The following FUNDC2 variants were observed in gnomAD, a reference collection of about 807,000 sequenced individuals.
FUNDC2 encodes FUN14 domain containing 2, also known as FUN14 domain-containing protein 2.
Under a neutral mutation model 15.6 loss-of-function variants are expected in FUNDC2, and 4 were observed. The observed-to-expected ratio is 0.26, with a 90% confidence interval of 0.13 to 0.59. The LOEUF (loss-of-function observed/expected upper bound fraction) is 0.59, where lower values mean the gene tolerates loss of function less well. Ranked by LOEUF, FUNDC2 falls within the 20% of genes least tolerant of loss-of-function variation. The probability of loss-of-function intolerance (pLI) is 0.90; values close to 1 mark genes in which losing one functional copy is unlikely to be tolerated. For missense variants in FUNDC2, 98 were observed against 149.7 expected (o/e 0.65, Z 1.80); for synonymous variants, 44 against 56.9 (o/e 0.77, Z 1.02).
chrX:155,045,597 TAACCTTGATAGG>T (rs1224332720), intron 2 of FUNDC2, among the ~76,000 whole-genome samples: 1 of 112,039 alleles, frequency 8.9e-6, no homozygotes, highest in Non-Finnish European at 1.9e-5. Flanking sequence ...AGATCAGTGG[TAACCTTGATAGG>T]AATGGTTTCA....
At chrX:155,035,978 A>G (rs1248135355) in intron 2 of FUNDC2, among the ~76,000 whole-genome samples, 1 of 111,915 alleles carries the variant, frequency 8.9e-6, no homozygotes, top group East Asian at 2.8e-4. Context: ...AAGTTTGTAT[A>G]CAAGTGTACA....
intron 2 of FUNDC2, among the ~76,000 whole-genome samples, chrX:155,036,068 A>G (rs781836673): frequency 8.9e-6 from 1 of 112,116 alleles, no homozygotes; most frequent in Non-Finnish European, 1.9e-5. Context: ...TAGTAAGTGA[A>G]TGTTCTAAAT....
At position 155,058,546 on chromosome X, in the gene FUNDC2, T is replaced by G. The variant is rs2073916771; in HGVS notation, c.*3874T>G. The G allele has an allele frequency of 9.1e-6, 1 of 110,360 alleles. No homozygotes were observed. Among genetic ancestry groups the G allele is most frequent in the Non-Finnish European group, 1.9e-5 (1 of 52,863 alleles). The allele number at this position is 110,360 out of a possible 1,213,427, so 9.1% of individuals were successfully genotyped here. ...TCTCAGAGGGAAGCTCACAGCCAGTTTTGGACCCCAGAGAAAAATGTGGCT... is the reference window on the plus strand; with the variant it reads ...TCTCAGAGGGAAGCTCACAGCCAGTGTTGGACCCCAGAGAAAAATGTGGCT... On this transcript the variant is annotated 3_prime_UTR_variant, in exon 5 of 5. Transcript: ENST00000369498.
In FUNDC2 at chrX:155,058,493, T is replaced by C. The variant is rs1257796275; in HGVS notation, c.*3821T>C. 1 of 110,738 alleles carries C rather than the reference T, an allele frequency of 9.0e-6. No individual in the cohort carries two copies. Among genetic ancestry groups the C allele is most frequent in the Non-Finnish European group, 1.9e-5 (1 of 52,941 alleles). The allele number at this position is 110,738 out of a possible 1,213,427, so 9.1% of individuals were successfully genotyped here. ...ATGGATTTGAAATTTCTGAGTATCA[T>C]CAATGTTTCATGATGATCTCAATTT... On this transcript the variant is annotated 3_prime_UTR_variant, in exon 5 of 5. Transcript: ENST00000369498.
Position 155,056,451 on chromosome X carries a change from C to G in FUNDC2, c.*1779C>G, listed in dbSNP as rs191895487. 1 of 111,186 alleles carries G rather than the reference C, an allele frequency of 9.0e-6. No homozygotes were observed. Among genetic ancestry groups the G allele is most frequent in the African/African-American group, 3.3e-5 (1 of 30,615 alleles). 9.2% of individuals were successfully genotyped at this position (111,186 alleles called of 1,213,427 possible). ...TGTTTTATATTTAGTTTGTTTGAAT[C>G]AAAATTCATGCAAGGTTCACATCGT... On this transcript the variant is annotated 3_prime_UTR_variant, in exon 5 of 5. Transcript: ENST00000369498.
chrX:155,049,038 C>T (rs1557290266), intron 3 of FUNDC2: 9 of 112,789 alleles, frequency 8.0e-5, no homozygotes. Context: ...TTTTCCTTCA[C>T]GTCTTTATGA....
Position 155,056,783 on chromosome X carries a change from C to G in FUNDC2, c.*2111C>G, listed in dbSNP as rs1338610988. ...GGTTGCATGTGGGGAGACTGGCCAC[C>G]CAATGCCTCTCCAGTGGGGTAGGGG... On this transcript the variant is annotated 3_prime_UTR_variant, in exon 5 of 5. Transcript: ENST00000369498. 9.0e-6 allele frequency: 1 copy of G among 111,407 alleles called. No homozygotes were observed. The highest frequency in any genetic ancestry group is 2.8e-4 in the East Asian group (1 of 3,563). The allele number at this position is 111,407 out of a possible 1,213,427, so 9.2% of individuals were successfully genotyped here.
chrX:155,055,411 G>C lies in FUNDC2; in HGVS notation c.*739G>C. 1 of 294,737 alleles carries C rather than the reference G, an allele frequency of 3.4e-6. No individual in the cohort carries two copies. Among genetic ancestry groups the C allele is most frequent in the Non-Finnish European group, 5.9e-6 (1 of 169,411 alleles). The allele number at this position is 294,737 out of a possible 1,213,427, so 24.3% of individuals were successfully genotyped here. ...GAAATATCCTTATCAAAACATTAGGGGTGGCCATAACTCCTCTGTGCCACT... is the reference window on the plus strand; with the variant it reads ...GAAATATCCTTATCAAAACATTAGGCGTGGCCATAACTCCTCTGTGCCACT... On this transcript the variant is annotated 3_prime_UTR_variant, in exon 5 of 5. Transcript: ENST00000369498.
chrX:155,047,381 A>G, intron 3 of FUNDC2: 1 of 342,241 alleles, frequency 2.9e-6, no homozygotes, highest in Non-Finnish European at 5.9e-6. Context: ...GGCAACCCTC[A>G]CTTTTGCAAG....
intron 2 of FUNDC2, among the ~76,000 whole-genome samples, chrX:155,039,234 C>T (rs1266108549): frequency 9.0e-6 from 1 of 111,606 alleles, no homozygotes; most frequent in Non-Finnish European, 1.9e-5. Context: ...TTGTTTAATC[C>T]CTTGTATATC....
chrX:155,038,749 T>A (rs1442889970), intron 2 of FUNDC2, among the ~76,000 whole-genome samples: 2 of 112,624 alleles, frequency 1.8e-5, no homozygotes, highest in Non-Finnish European at 3.8e-5. Context: ...TATCCATCTG[T>A]TGATGGACAC....
At chrX:155,051,875 A>C in intron 4 of FUNDC2, 74 bp downstream of exon 4, 1 of 1,030,841 alleles carries the variant, frequency 9.7e-7, no homozygotes, top group Non-Finnish European at 1.3e-6. Context: ...ATTGTACCAT[A>C]TCTCAGTGAT....
At chrX:155,029,717 C>T (rs2073808340) in intron 1 of FUNDC2, among the ~76,000 whole-genome samples, 1 of 100,441 alleles carries the variant, frequency 1.0e-5, no homozygotes, top group Admixed American at 1.1e-4. Context: ...ATTGTCATTG[C>T]ACTCCAGCCT....
Position 155,057,032 on chromosome X carries a change from GGCCT to G in FUNDC2, c.*2361_*2364del, listed in dbSNP as rs2073905633. On this transcript the variant is annotated 3_prime_UTR_variant, in exon 5 of 5. Transcript: ENST00000369498. Reference sequence around the variant, plus strand: ...ATGGTTGAGGTCAGTATTGCAGGTTGGCCTCATCCTGCTAGTATGAGAACGGCTG... The same window carrying G: ...ATGGTTGAGGTCAGTATTGCAGGTTGCATCCTGCTAGTATGAGAACGGCTG... 1 of 98,127 alleles carries G rather than the reference GGCCT, an allele frequency of 1.0e-5. No individual in the cohort carries two copies. 8.1% of individuals were successfully genotyped at this position (98,127 alleles called of 1,213,427 possible). A position where few individuals can be genotyped will look rare whatever the true frequency, so the allele number is the denominator to read the frequency against.
intron 4 of FUNDC2, among the ~76,000 whole-genome samples, chrX:155,052,233 T>G (rs1335836540): frequency 8.9e-5 from 10 of 112,076 alleles, no homozygotes; most frequent in South Asian, 7.4e-4. Flanking sequence ...ATATGTTAAA[T>G]AAGTGGATGT....
At chrX:155,042,028 C>T (rs2073847791) in intron 2 of FUNDC2, among the ~76,000 whole-genome samples, 2 of 92,310 alleles carry the variant, frequency 2.2e-5, no homozygotes, top group Admixed American at 1.3e-4. Context: ...AAGATTGTGC[C>T]ACTGCACTCT....
At chrX:155,034,012 A>G (rs782539694) in intron 2 of FUNDC2, among the ~76,000 whole-genome samples, 154 of 112,678 alleles carry the variant, frequency 1.4e-3, no homozygotes, top group African/African-American at 4.6e-3. Context: ...TATTGAATCC[A>G]TTAATCTCAT....
rs1175079092 is a variant in FUNDC2, at chrX:155,042,175, C to CTTTTTTTTT, written c.285-4313_285-4305dup. The stretch of plus-strand genomic sequence containing the variant: ...CCTTGCTATAGTTTTCTTTTTCTAT[C>CTTTTTTTTT]TTTTTTTTTTTTTTTTTTTTTTTTT... On this transcript the variant is annotated intron_variant, in intron 2 of 4. Transcript: ENST00000369498. Among the ~76,000 whole-genome samples, 82 of 39,200 alleles carry CTTTTTTTTT rather than the reference C, an allele frequency of 2.1e-3. 14 individuals carry two copies. Among genetic ancestry groups the CTTTTTTTTT allele is most frequent in the African/African-American group, 8.2e-3 (63 of 7,641 alleles). The allele number at this position is 39,200 out of a possible 115,157, so 34.0% of individuals were successfully genotyped here. A position where few individuals can be genotyped will look rare whatever the true frequency, so the allele number is the denominator to read the frequency against.
chrX:155,042,903 G>A (rs782624200), intron 2 of FUNDC2, among the ~76,000 whole-genome samples: 1 of 110,425 alleles, frequency 9.1e-6, no homozygotes, highest in Non-Finnish European at 1.9e-5. Flanking sequence ...TATATTTTTC[G>A]TCTCGGACAT....
Sources: allele counts gnomAD v4.1 joint callset (sites outside exome capture counted in the v4.1 genomes callset), GRCh38; gene constraint gnomAD v4.1.1; transcripts MANE v1.5; gene names NCBI Gene and HGNC (gene_info 2026-07-23, HGNC 2026-07-21).